The following NAALADL2 variants were observed in gnomAD, a reference collection of about 807,000 sequenced individuals.
The protein encoded by NAALADL2 is inactive N-acetylated-alpha-linked acidic dipeptidase-like protein 2.
Under a neutral mutation model 87.2 loss-of-function variants are expected in NAALADL2, and 76 were observed. The observed-to-expected ratio is 0.87, with a 90% CI of 0.72 to 1.05. The LOEUF (loss-of-function observed/expected upper bound fraction) is 1.05. NAALADL2 is among the 50% of genes least tolerant of loss of function. NAALADL2 has a pLI of 0.00. For missense variants in NAALADL2, 1,089 were observed against 945.8 expected (o/e 1.15, Z -1.99); for synonymous variants, 354 against 331.0 (o/e 1.07, Z -0.75).
At chr3:175,306,982 C>A (rs1214182975) in intron 4 of NAALADL2, among the ~76,000 whole-genome samples, 1 of 152,152 alleles carries the variant, frequency 6.6e-6, no homozygotes, top group Non-Finnish European at 1.5e-5. Flanking sequence ...TGATCTCAAT[C>A]TGAATCCTCA....
intron 1 of NAALADL2, among the ~76,000 whole-genome samples, chr3:174,933,725 T>C (rs1393785375): frequency 6.6e-6 from 1 of 152,176 alleles, no homozygotes; most frequent in Non-Finnish European, 1.5e-5. Flanking sequence ...TTTTCTACAC[T>C]CTAGGATATC....
At chr3:174,902,853 C>G (rs1187837804) in intron 1 of NAALADL2, among the ~76,000 whole-genome samples, 5 of 152,034 alleles carry the variant, frequency 3.3e-5, no homozygotes, top group African/African-American at 1.2e-4. Context: ...GAAATACATG[C>G]TTGGGAAATG....
intron 2 of NAALADL2, among the ~76,000 whole-genome samples, chr3:175,171,094 A>G (rs573074792): frequency 1.3e-5 from 2 of 152,078 alleles, no homozygotes; most frequent in Admixed American, 1.3e-4. Context: ...TAGTTGTTTT[A>G]TTTCTTATAT....
intron 3 of NAALADL2, among the ~76,000 whole-genome samples, chr3:174,777,314 C>T (rs956950161): frequency 2.0e-5 from 3 of 152,056 alleles, no homozygotes; most frequent in African/African-American, 7.2e-5. Flanking sequence ...TGTCCTTCTT[C>T]CTCTGTTCTA....
At chr3:175,525,585 T>G (rs990792936) in intron 9 of NAALADL2, among the ~76,000 whole-genome samples, 1 of 149,590 alleles carries the variant, frequency 6.7e-6, no homozygotes, top group Non-Finnish European at 1.5e-5. Flanking sequence ...GAAAAAGGAT[T>G]TTTTTTTTGT....
intron 3 of NAALADL2, among the ~76,000 whole-genome samples, chr3:174,771,609 C>T (rs1389400057): frequency 6.6e-6 from 1 of 152,122 alleles, no homozygotes; most frequent in African/African-American, 2.4e-5. Context: ...GAGCCTGATC[C>T]TAGGGATTTC....
At chr3:174,487,695 GTT>G (rs11437802) in intron 1 of NAALADL2, among the ~76,000 whole-genome samples, 3 of 141,990 alleles carry the variant, frequency 2.1e-5, no homozygotes, top group Non-Finnish European at 1.6e-5. Flanking sequence ...GAGTAAGAGT[GTT>G]TTTTTTTTTT....
intron 3 of NAALADL2, among the ~76,000 whole-genome samples, chr3:174,769,861 G>A (rs2687773): frequency 0.53 from 80,466 of 151,510 alleles, 21,736 homozygotes; most frequent in Middle Eastern, 0.64. Context: ...CCTGTTGCCT[G>A]TTTTCTTACT....
chr3:175,663,010 T>A (rs1199665684), intron 11 of NAALADL2, among the ~76,000 whole-genome samples: 1 of 151,900 alleles, frequency 6.6e-6, no homozygotes, highest in Non-Finnish European at 1.5e-5. Flanking sequence ...TCAGGGTTAA[T>A]GCTGACCTTG....
At chr3:174,607,395 C>A (rs1220807008) in intron 2 of NAALADL2, among the ~76,000 whole-genome samples, 1 of 151,204 alleles carries the variant, frequency 6.6e-6, no homozygotes, top group Non-Finnish European at 1.5e-5. Flanking sequence ...AGTCAAGACC[C>A]ATCAGTGTGC....
intron 1 of NAALADL2, among the ~76,000 whole-genome samples, chr3:175,074,900 T>C (rs1716309849): frequency 6.7e-6 from 1 of 150,286 alleles, no homozygotes; most frequent in African/African-American, 2.5e-5. Flanking sequence ...AGTAAGGAGA[T>C]GAAGAGCAGA....
intron 11 of NAALADL2, among the ~76,000 whole-genome samples, chr3:175,726,619 C>CTGACTTGA (rs1742955593): frequency 6.6e-6 from 1 of 152,238 alleles, no homozygotes; most frequent in African/African-American, 2.4e-5. Context: ...ACAGTGGTAG[C>CTGACTTGA]TGACTTGATA....
intron 2 of NAALADL2, among the ~76,000 whole-genome samples, chr3:175,190,265 C>T (rs762856864): frequency 2.1e-4 from 32 of 151,798 alleles, no homozygotes; most frequent in Non-Finnish European, 4.1e-4. Flanking sequence ...CAGAATGAAG[C>T]AACAACCTAC....
At chr3:174,632,979 A>G (rs1258106635) in intron 2 of NAALADL2, among the ~76,000 whole-genome samples, 2 of 150,936 alleles carry the variant, frequency 1.3e-5, no homozygotes, top group African/African-American at 2.4e-5. Context: ...AATCAGCGCA[A>G]TTGCTGGCTC....
At chr3:174,962,438 TTTTTAA>T (rs1742255581) in intron 1 of NAALADL2, among the ~76,000 whole-genome samples, 1 of 131,406 alleles carries the variant, frequency 7.6e-6, no homozygotes, top group African/African-American at 3.4e-5. Flanking sequence ...TATATGTATA[TTTTTAA>T]GTCTGCAGTT....
At chr3:175,260,920 C>G in intron 4 of NAALADL2, among the ~76,000 whole-genome samples, 1 of 152,074 alleles carries the variant, frequency 6.6e-6, no homozygotes, top group East Asian at 1.9e-4. Flanking sequence ...AATTTAATCT[C>G]TAGGAAGAGA....
chr3:175,732,128 G>T (rs1743850348), intron 11 of NAALADL2, among the ~76,000 whole-genome samples: 1 of 152,082 alleles, frequency 6.6e-6, no homozygotes, highest in Admixed American at 6.5e-5. Flanking sequence ...AGTTTCCCAG[G>T]ATTTTTGTGA....
chr3:175,129,978 T>G (rs1727559194), intron 2 of NAALADL2, among the ~76,000 whole-genome samples: 1 of 152,212 alleles, frequency 6.6e-6, no homozygotes, highest in Non-Finnish European at 1.5e-5. Flanking sequence ...ACTTGTCTCT[T>G]GTCTTAATGA....
In NAALADL2 at chr3:175,429,720, A is replaced by T. The variant is rs1300098777; in HGVS notation, c.1091-17509A>T. Among the ~76,000 whole-genome samples, 4 of 152,048 alleles carry T rather than the reference A, an allele frequency of 2.6e-5. No individual in the cohort carries two copies. In the East Asian group the frequency reaches 5.8e-4, roughly 22 times the overall value. ...TAGCAAAATTTAGATTCGTCTAAGT[A>T]TATTAGAATACTATTAGAATTATGG... On this transcript the variant is annotated intron_variant, in intron 5 of 13. Coordinates refer to ENST00000454872, the MANE Select transcript of NAALADL2 (RefSeq NM_207015.3).
Sources: gnomAD v4.1 joint callset for allele counts (sites outside exome capture counted in the v4.1 genomes callset) on GRCh38, gnomAD v4.1.1 for gene constraint, MANE v1.5 for transcripts, NCBI Gene and HGNC (gene_info 2026-07-23, HGNC 2026-07-21) for gene names.